The following ARHGAP6 variants were observed in gnomAD, a reference collection of about 807,000 sequenced individuals.
ARHGAP6 encodes Rho GTPase activating protein 6, also known as rho GTPase-activating protein 6.
Under a neutral mutation model 55.7 loss-of-function variants are expected in ARHGAP6, and 16 were observed. The ratio of observed to expected loss-of-function variants is 0.29; its 90% confidence interval spans 0.19 to 0.44. The LOEUF (loss-of-function observed/expected upper bound fraction) is 0.44. Among genes scored for constraint, ARHGAP6 ranks in the 20% least tolerant of loss-of-function variants. The pLI, the probability that ARHGAP6 is intolerant of heterozygous loss-of-function variation, is 1.00. For missense variants in ARHGAP6, 698 were observed against 808.9 expected (o/e 0.86, Z 1.66); for synonymous variants, 382 against 360.9 (o/e 1.06, Z -0.66).
At chrX:11,392,569 A>G (rs961059835) in intron 1 of ARHGAP6, among the ~76,000 whole-genome samples, 15 of 111,690 alleles carry the variant, frequency 1.3e-4, no homozygotes, top group African/African-American at 4.9e-4. Context: ...CACACTGGCT[A>G]GCATTTTGGA....
At chrX:11,289,666 C>T (rs1180236373) in intron 1 of ARHGAP6, among the ~76,000 whole-genome samples, 6 of 112,102 alleles carry the variant, frequency 5.4e-5, no homozygotes, top group Non-Finnish European at 7.5e-5. Flanking sequence ...GAACCAGCCC[C>T]GCTATTGGTA....
At chrX:11,275,908 A>G (rs1264829761) in intron 1 of ARHGAP6, among the ~76,000 whole-genome samples, 1 of 111,887 alleles carries the variant, frequency 8.9e-6, no homozygotes, top group African/African-American at 3.3e-5. Flanking sequence ...CTACAGGGAC[A>G]TTACAAATGA....
In ARHGAP6 at chrX:11,139,070, T is replaced by C. The variant is rs145875801; in HGVS notation, c.2718A>G (p.Thr906=). 117 of 1,203,248 alleles carry C rather than the reference T, an allele frequency of 9.7e-5. No homozygotes were observed. The African/African-American group carries it at 1.8e-3, about 18-fold the overall frequency. ...WIQGPPEGVE[T]PTDQGGQAAE... is the part of the protein sequence containing the mutation. The stretch of plus-strand genomic sequence containing the variant: ...CTGCTTGGCCTCCCTGGTCCGTGGG[T>C]GTCTCCACGCCTTCCGGGGGCCCCT... Residue 906 remains threonine, a synonymous_variant, in exon 13 of 13, where the codon ACA becomes ACG. Transcript: ENST00000337414.
At chrX:11,362,715 A>C (rs1057191508) in intron 1 of ARHGAP6, among the ~76,000 whole-genome samples, 1 of 111,070 alleles carries the variant, frequency 9.0e-6, no homozygotes, top group African/African-American at 3.3e-5. Flanking sequence ...CCCATTTGAA[A>C]AAAAGTATTT....
chrX:11,240,782 T>C (rs2047264337), intron 2 of ARHGAP6, among the ~76,000 whole-genome samples: 1 of 110,181 alleles, frequency 9.1e-6, no homozygotes, highest in Non-Finnish European at 1.9e-5. Flanking sequence ...TGGTGGCTCG[T>C]ATCTGTAATC....
At chrX:11,545,192 A>G (rs2051200141) in intron 1 of ARHGAP6, among the ~76,000 whole-genome samples, 2 of 112,286 alleles carry the variant, frequency 1.8e-5, no homozygotes, top group African/African-American at 6.5e-5. Context: ...CAAAATACCC[A>G]TGATTCTATT....
intron 12 of ARHGAP6, among the ~76,000 whole-genome samples, chrX:11,141,074 T>C (rs2045613347): frequency 9.0e-6 from 1 of 111,717 alleles, no homozygotes; most frequent in Non-Finnish European, 1.9e-5. Flanking sequence ...GAATCAGCAC[T>C]AGAGGGCATT....
chrX:11,162,983 A>G (rs2045971760), intron 9 of ARHGAP6, among the ~76,000 whole-genome samples: 1 of 112,321 alleles, frequency 8.9e-6, no homozygotes, highest in Non-Finnish European at 1.9e-5. Flanking sequence ...TAAAAAATCA[A>G]GCAATTCTGC....
intron 1 of ARHGAP6, among the ~76,000 whole-genome samples, chrX:11,597,330 T>A (rs756974031): frequency 6.2e-5 from 7 of 112,238 alleles, no homozygotes; most frequent in Middle Eastern, 4.6e-3. Context: ...AAAATGTTAA[T>A]AGCTTTAAAA....
chrX:11,612,760 T>G (rs760457686), intron 1 of ARHGAP6, among the ~76,000 whole-genome samples: 1 of 112,634 alleles, frequency 8.9e-6, no homozygotes, highest in African/African-American at 3.2e-5. Context: ...GAGAGGTCTA[T>G]AATAACTCAG....
In ARHGAP6 at chrX:11,137,718, C is replaced by T. The variant is rs1033752404; in HGVS notation, c.*1145G>A. 5 of 111,490 alleles carry T rather than the reference C, an allele frequency of 4.5e-5. No homozygotes were observed. The highest frequency in any genetic ancestry group is 3.8e-4 in the Admixed American group (4 of 10,466). 9.2% of individuals were successfully genotyped at this position (111,490 alleles called of 1,213,427 possible). A position where few individuals can be genotyped will look rare whatever the true frequency, so the allele number is the denominator to read the frequency against. On this transcript the variant is annotated 3_prime_UTR_variant, in exon 13 of 13. Coordinates refer to ENST00000337414, the MANE Select transcript of ARHGAP6 (RefSeq NM_013427.3). Reference sequence around the variant, plus strand: ...AAAAAAATTGCATAAAATACTGAAGCGTATCGCCATCTGCTGGTCAAAAAT... The same window carrying T: ...AAAAAAATTGCATAAAATACTGAAGTGTATCGCCATCTGCTGGTCAAAAAT...
chrX:11,389,596 T>C (rs749902987), intron 1 of ARHGAP6, among the ~76,000 whole-genome samples: 2 of 112,591 alleles, frequency 1.8e-5, no homozygotes, highest in Admixed American at 1.9e-4. Context: ...TTATCATCAA[T>C]ATTTAGTAAA....
chrX:11,191,913 T>G (rs2046467039), intron 3 of ARHGAP6, among the ~76,000 whole-genome samples: 1 of 112,014 alleles, frequency 8.9e-6, no homozygotes, highest in Non-Finnish European at 1.9e-5. Context: ...CCCCTTTTTC[T>G]GGCTTATCAT....
intron 1 of ARHGAP6, among the ~76,000 whole-genome samples, chrX:11,338,218 T>C (rs1173584544): frequency 9.0e-6 from 1 of 111,354 alleles, no homozygotes; most frequent in Non-Finnish European, 1.9e-5. Context: ...CCACAGAAAA[T>C]ATGGATTCAA....
chrX:11,344,678 C>CAAAAAAAAAAAAAAAAAAA (rs34123570), intron 1 of ARHGAP6, among the ~76,000 whole-genome samples: 61 of 28,229 alleles, frequency 2.2e-3, no homozygotes, highest in South Asian at 4.0e-3. Flanking sequence ...AACTCCATCA[C>CAAAAAAAAAAAAAAAAAAA]AAAAAAAAAA....
At chrX:11,514,427 C>G (rs2050816001) in intron 1 of ARHGAP6, among the ~76,000 whole-genome samples, 1 of 109,862 alleles carries the variant, frequency 9.1e-6, no homozygotes, top group Non-Finnish European at 1.9e-5. Context: ...GGGGGAATAT[C>G]CTCTCGGGAT....
intron 1 of ARHGAP6, among the ~76,000 whole-genome samples, chrX:11,534,981 C>A (rs1216733177): frequency 1.8e-5 from 2 of 111,393 alleles, no homozygotes; most frequent in Non-Finnish European, 3.8e-5. Context: ...TCATAGCGTG[C>A]ATTTTTATAT....
intron 1 of ARHGAP6, among the ~76,000 whole-genome samples, chrX:11,263,181 G>T (rs752400529): frequency 9.1e-6 from 1 of 110,079 alleles, no homozygotes; most frequent in African/African-American, 3.3e-5. Flanking sequence ...GTGAATTCTT[G>T]CTCTGAGTTC....
chrX:11,246,160 G>A (rs1022381876), intron 2 of ARHGAP6, among the ~76,000 whole-genome samples: 16 of 111,121 alleles, frequency 1.4e-4, no homozygotes, highest in Admixed American at 1.3e-3. Context: ...ACATAGGGTT[G>A]AGGGGAGATA....
Sources: gnomAD v4.1 joint callset for allele counts (sites outside exome capture counted in the v4.1 genomes callset) on GRCh38, gnomAD v4.1.1 for gene constraint, MANE v1.5 for transcripts, NCBI Gene and HGNC (gene_info 2026-07-23, HGNC 2026-07-21) for gene names.